The following FRMPD1 variants were observed in gnomAD, a reference collection of about 807,000 sequenced individuals.
The protein encoded by FRMPD1 is FERM and PDZ domain-containing protein 1.
FRMPD1 carries 76 observed loss-of-function variants against 117.8 expected under a neutral mutation model. That is an observed-to-expected ratio of 0.65 (90% confidence interval 0.54 to 0.78). The LOEUF (loss-of-function observed/expected upper bound fraction) is 0.78, where lower values mean the gene tolerates loss of function less well. Ranked by LOEUF, FRMPD1 falls within the 30% of genes least tolerant of loss-of-function variation. FRMPD1 has a pLI of 0.00. For synonymous variants in FRMPD1, 783 were observed against 770.4 expected (o/e 1.02, Z -0.27); for missense variants, 1,786 against 1,964.5 (o/e 0.91, Z 1.72).
chr9:37,723,457 A>G (rs559321688), intron 6 of FRMPD1, among the ~76,000 whole-genome samples: 4 of 152,326 alleles, frequency 2.6e-5, no homozygotes, highest in African/African-American at 7.2e-5. Flanking sequence ...AAGTGCCAAG[A>G]AAGAACCCCT....
At chr9:37,722,730 T>C (rs1823451055) in intron 6 of FRMPD1, among the ~76,000 whole-genome samples, 1 of 152,182 alleles carries the variant, frequency 6.6e-6, no homozygotes, top group African/African-American at 2.4e-5. Flanking sequence ...ACGGGCCCTT[T>C]GTATTTGCAA....
chr9:37,735,501 T>C (rs376194724), intron 12 of FRMPD1, 51 bp from the exon 13 acceptor site: 2 of 1,357,394 alleles, frequency 1.5e-6, no homozygotes, highest in African/African-American at 1.4e-5. Flanking sequence ...ATGTGAAATG[T>C]ATTTTCACTC....
intron 1 of FRMPD1, among the ~76,000 whole-genome samples, chr9:37,658,077 T>G (rs551358718): frequency 6.6e-6 from 1 of 152,222 alleles, no homozygotes; most frequent in Admixed American, 6.5e-5. Context: ...ACTTGGACCT[T>G]CAAAGACAGG....
At chr9:37,631,631 C>T in the FRMPD1 span, among the ~76,000 whole-genome samples, 1 of 152,254 alleles carries the variant, frequency 6.6e-6, no homozygotes, top group African/African-American at 2.4e-5. Flanking sequence ...AGAGACAAGG[C>T]CTTGCTCTGT....
chr9:37,710,661 A>G (rs374950903), intron 4 of FRMPD1, among the ~76,000 whole-genome samples: 18 of 152,062 alleles, frequency 1.2e-4, no homozygotes, highest in African/African-American at 4.4e-4. Context: ...TTATTGCCAT[A>G]TTTTCTCCTA....
chr9:37,660,877 C>T lies in FRMPD1; in HGVS notation c.-5+9783C>T, dbSNP rs548829767. On this transcript the variant is annotated intron_variant, in intron 1 of 15. Transcript: ENST00000377765. ...GAGGCCTGGGGGGTACAGTGTTGAC[C>T]GATGAAATGAATGAATGCATGGCTA... 3.3e-5 allele frequency among the ~76,000 whole-genome samples: 5 copies of T among 152,236 alleles called. No homozygotes were observed. The South Asian group carries it at 8.3e-4, about 25-fold the overall frequency.
At chr9:37,628,750 C>G in the FRMPD1 span, among the ~76,000 whole-genome samples, 1 of 152,186 alleles carries the variant, frequency 6.6e-6, no homozygotes, top group South Asian at 2.1e-4. Context: ...TGACCAAAAT[C>G]TTAGTGTGTG....
At chr9:37,656,721 C>T (rs1438778790) in intron 1 of FRMPD1, among the ~76,000 whole-genome samples, 2 of 151,262 alleles carry the variant, frequency 1.3e-5, no homozygotes, top group Non-Finnish European at 2.9e-5. Flanking sequence ...AACTATCTGC[C>T]TGAAGGACAG....
intron 14 of FRMPD1, among the ~76,000 whole-genome samples, chr9:37,739,378 G>A (rs1824277821): frequency 6.6e-6 from 1 of 152,152 alleles, no homozygotes; most frequent in South Asian, 2.1e-4. Flanking sequence ...GTGTGATGAG[G>A]TCAGAGAGAA....
At chr9:37,710,202 C>T (rs1250854740) in intron 4 of FRMPD1, among the ~76,000 whole-genome samples, 3 of 152,186 alleles carry the variant, frequency 2.0e-5, no homozygotes, top group African/African-American at 4.8e-5. Context: ...GGCCTGTTCT[C>T]ATTTAAAATG....
chr9:37,667,625 A>C (rs1821205903), intron 1 of FRMPD1, among the ~76,000 whole-genome samples: 1 of 151,704 alleles, frequency 6.6e-6, no homozygotes, highest in Admixed American at 6.6e-5. Flanking sequence ...CAGAGGTTGC[A>C]ATGAGACGAG....
intron 6 of FRMPD1, among the ~76,000 whole-genome samples, chr9:37,724,005 T>C (rs1202482133): frequency 1.4e-5 from 2 of 146,288 alleles, no homozygotes; most frequent in Non-Finnish European, 3.0e-5. Flanking sequence ...TCAAAAAAAA[T>C]AAAAAAAATA....
chr9:37,638,024 C>CTTTCTTTCTT, the FRMPD1 span, among the ~76,000 whole-genome samples: 47 of 95,930 alleles, frequency 4.9e-4, 2 homozygotes, highest in East Asian at 7.7e-4. Flanking sequence ...TTCTTTCTTT[C>CTTTCTTTCTT]TCTCTCTTTC....
chr9:37,620,808 G>A, the FRMPD1 span, among the ~76,000 whole-genome samples: 2 of 152,044 alleles, frequency 1.3e-5, no homozygotes, highest in Non-Finnish European at 2.9e-5. Flanking sequence ...ACTAGGAAGA[G>A]ATGATAAAGC....
intron 1 of FRMPD1, among the ~76,000 whole-genome samples, chr9:37,657,229 T>G (rs777144229): frequency 2.6e-5 from 4 of 152,318 alleles, no homozygotes; most frequent in Non-Finnish European, 5.9e-5. Context: ...CAGCTTGTAT[T>G]AAAACCAACG....
At chr9:37,692,301 G>A (rs891563341) in intron 1 of FRMPD1, among the ~76,000 whole-genome samples, 4 of 152,198 alleles carry the variant, frequency 2.6e-5, no homozygotes, top group Admixed American at 6.5e-5. Flanking sequence ...ACATAGTTGG[G>A]AGAGGGAAGG....
In FRMPD1 at chr9:37,746,299, A is replaced by T; in HGVS notation, c.4267A>T (p.Ile1423Phe). Reference sequence around the variant, plus strand: ...CCCTGCCAGCACCCCTGAGGGCTTCATCCAACTCATGGAGAGCTTGCTGGA... The same window carrying T: ...CCCTGCCAGCACCCCTGAGGGCTTCTTCCAACTCATGGAGAGCTTGCTGGA... ...ATPASTPEGF[I>F]QLMESLLELQ... is the part of the protein sequence containing the mutation. Residue 1423 changes from isoleucine (I) to phenylalanine (F), a missense_variant, in exon 16 of 16, where the codon ATC becomes TTC. Transcript: ENST00000377765. 2 of 1,612,832 alleles carry T rather than the reference A, an allele frequency of 1.2e-6. No individual in the cohort carries two copies. The highest frequency in any genetic ancestry group is 1.7e-6 in the Non-Finnish European group (2 of 1,179,808).
rs1824645373 is a variant in FRMPD1 at position 37,745,315 on chromosome 9, A to G, written c.3283A>G (p.Ile1095Val). 7 of 1,605,464 alleles carry G rather than the reference A, an allele frequency of 4.4e-6. No individual in the cohort carries two copies. The highest frequency in any genetic ancestry group is 1.7e-5 in the Admixed American group (1 of 60,006). ...ATGTGGAATAAATCCAGGAGAGAAG[A>G]TAGCTTCTATCCCTACAAAGGAAGA... ...DECGINPGEK[I>V]ASIPTKEEPQ... The change falls in exon 16 of 16, where the codon ATA becomes GTA. Residue 1095 changes from isoleucine (I) to valine (V), a missense_variant. Coordinates refer to ENST00000377765, the MANE Select transcript of FRMPD1 (RefSeq NM_014907.3).
At chr9:37,724,018 A>T (rs1032300949) in intron 6 of FRMPD1, among the ~76,000 whole-genome samples, 4 of 151,560 alleles carry the variant, frequency 2.6e-5, no homozygotes, top group African/African-American at 7.3e-5. Flanking sequence ...AAAAAATAAA[A>T]AAAAATAAAA....
Sources: allele counts gnomAD v4.1 joint callset (sites outside exome capture counted in the v4.1 genomes callset), GRCh38; gene constraint gnomAD v4.1.1; transcripts MANE v1.5; gene names NCBI Gene and HGNC (gene_info 2026-07-23, HGNC 2026-07-21).